CADPS: variants seen among roughly 807,000 people sequenced by gnomAD.
CADPS encodes the protein calcium dependent secretion activator.
CADPS carries 57 observed loss-of-function variants against 167.3 expected under a neutral mutation model. That is an observed-to-expected ratio of 0.34 (90% CI 0.28 to 0.42). CADPS has a LOEUF of 0.42. Ranked by LOEUF, CADPS falls within the 20% of genes least tolerant of loss-of-function variation. The pLI is 1.00. For synonymous variants in CADPS, 676 were observed against 635.3 expected (o/e 1.06, Z -0.96); for missense variants, 1,414 against 1,738.1 (o/e 0.81, Z 3.32).
intron 13 of CADPS, chr3:62,530,741 G>C (rs756524648): frequency 3.9e-6 from 5 of 1,288,626 alleles, no homozygotes; most frequent in Non-Finnish European, 5.1e-6. Flanking sequence ...TGGTTCAGGT[G>C]GGGAGGGAGT....
chr3:62,814,935 C>T lies in CADPS; in HGVS notation c.442-48951G>A, dbSNP rs1376200128. ...ATTTTAAAAGTTAACTCCATTTTGA[C>T]ACAAACTTCACAGGACAGGTTTTGC... On this transcript the variant is annotated intron_variant, in intron 1 of 29. Transcript: ENST00000383710. 2.0e-5 allele frequency among the ~76,000 whole-genome samples: 3 copies of T among 152,142 alleles called. No individual in the cohort carries two copies. The East Asian group carries it at 5.8e-4, about 29-fold the overall frequency.
chr3:62,616,063 T>G (rs1294840879), intron 6 of CADPS, among the ~76,000 whole-genome samples: 2 of 152,166 alleles, frequency 1.3e-5, no homozygotes, highest in Admixed American at 1.3e-4. Flanking sequence ...CCCTTTTCTA[T>G]CAGTAGCTTA....
At position 62,616,022 on chromosome 3, in the gene CADPS, G is replaced by GT. The variant is rs150313435; in HGVS notation, c.1326-23275dup. ...CATCCCTCTCTAAAGATGTCTATGT[G>GT]TTTTTTTTCCTTTGCCTACAAATGT... On this transcript the variant is annotated intron_variant, in intron 6 of 29. Transcript: ENST00000383710. Among the ~76,000 whole-genome samples, 156 of 151,890 alleles carry GT rather than the reference G, an allele frequency of 1.0e-3. 3 individuals carry two copies. The East Asian group carries it at 0.027, about 27-fold the overall frequency.
intron 1 of CADPS, among the ~76,000 whole-genome samples, chr3:62,774,152 G>A (rs2196708): frequency 0.023 from 3,447 of 152,132 alleles, 61 homozygotes; most frequent in South Asian, 0.061. Context: ...AAGATCAAAA[G>A]AGAAGAGGAA....
rs1385359483 is a variant in CADPS at position 62,602,616 on chromosome 3, G to A, written c.1326-9868C>T. Among the ~76,000 whole-genome samples the A allele has an allele frequency of 6.6e-6, 1 of 152,100 alleles. No individual in the cohort carries two copies. The highest frequency in any genetic ancestry group is 2.4e-5 in the African/African-American group (1 of 41,398). On this transcript the variant is annotated intron_variant, in intron 6 of 29. Transcript: ENST00000383710. The surrounding 1 kb of genome is among the most constrained non-coding windows in gnomAD (Gnocchi z 4.4). Reference sequence around the variant, plus strand: ...CTCATGCAAACTAATTGATAGGCTGGGCTTTGGGTTCTTTAGTGTACTAGA... The same window carrying A: ...CTCATGCAAACTAATTGATAGGCTGAGCTTTGGGTTCTTTAGTGTACTAGA...
At chr3:62,752,822 T>C (rs977527459) in intron 3 of CADPS, among the ~76,000 whole-genome samples, 3 of 152,210 alleles carry the variant, frequency 2.0e-5, no homozygotes, top group African/African-American at 7.2e-5. Context: ...GTTGAATAAA[T>C]GAATATAATG....
At position 62,476,768 on chromosome 3, in the gene CADPS, GCA is replaced by G. The variant is rs2061377688; in HGVS notation, c.3329+1491_3329+1492del. 3.9e-5 allele frequency among the ~76,000 whole-genome samples: 6 copies of G among 152,126 alleles called. No individual in the cohort carries two copies. In the South Asian group the frequency reaches 1.2e-3, roughly 32 times the overall value. ...TGCATGTCTTTCTGTACAATTATGT[GCA>G]CAGTTTAGGAACTGGTAAGCCTTTA... On this transcript the variant is annotated intron_variant, in intron 23 of 29. Coordinates refer to ENST00000383710, the MANE Select transcript of CADPS (RefSeq NM_003716.4).
chr3:62,428,755 T>A (rs2053303038), intron 28 of CADPS, among the ~76,000 whole-genome samples: 1 of 152,198 alleles, frequency 6.6e-6, no homozygotes, highest in Non-Finnish European at 1.5e-5. Context: ...CTTTTCTAGT[T>A]CGTGCAGATC....
At position 62,465,564 on chromosome 3, in the gene CADPS, G is replaced by T; in HGVS notation, c.3553-114C>A. ...GGGATCGAGCCCTCCGTTCATTTCT[G>T]CAGTCTATTATTTGATTCCCGCCTT... On this transcript the variant is annotated intron_variant, in intron 25 of 29. Transcript: ENST00000383710. This position sits in a 1 kb window ranked among gnomAD's most constrained non-coding sequence, Gnocchi z 4.1. The T allele has an allele frequency of 1.6e-6, 1 of 636,644 alleles. No homozygotes were observed. The highest frequency in any genetic ancestry group is 2.7e-6 in the Non-Finnish European group (1 of 372,298). The allele number at this position is 636,644 out of a possible 1,614,324, so 39.4% of individuals were successfully genotyped here. A position where few individuals can be genotyped will look rare whatever the true frequency, so the allele number is the denominator to read the frequency against.
intron 1 of CADPS, among the ~76,000 whole-genome samples, chr3:62,790,587 T>C (rs1327657108): frequency 1.3e-5 from 2 of 152,228 alleles, no homozygotes; most frequent in Non-Finnish European, 2.9e-5. Context: ...GCAAATATCA[T>C]TTTGCACCTA....
chr3:62,399,234 A>G lies in CADPS; in HGVS notation c.*172T>C, dbSNP rs1293776846. ...GACATGGACATCAGGAAATCAGTGG[A>G]TATGAAGGTCATTTGCTAATCTTGG... On this transcript the variant is annotated 3_prime_UTR_variant, in exon 30 of 30. Coordinates refer to ENST00000383710, the MANE Select transcript of CADPS (RefSeq NM_003716.4). The surrounding 1 kb of genome is among the most constrained non-coding windows in gnomAD (Gnocchi z 5.6). 1.7e-6 allele frequency: 1 copy of G among 596,410 alleles called. No homozygotes were observed. The highest frequency in any genetic ancestry group is 3.0e-6 in the Non-Finnish European group (1 of 336,230). 36.9% of individuals were successfully genotyped at this position (596,410 alleles called of 1,614,324 possible). A position where few individuals can be genotyped will look rare whatever the true frequency, so the allele number is the denominator to read the frequency against.
intron 3 of CADPS, among the ~76,000 whole-genome samples, chr3:62,715,818 G>A (rs1054192069): frequency 1.1e-4 from 14 of 129,096 alleles, no homozygotes; most frequent in South Asian, 7.9e-4. Context: ...GTGCAGTGGC[G>A]CGATCTCAGC....
intron 6 of CADPS, among the ~76,000 whole-genome samples, chr3:62,599,804 A>ATTATAT (rs1562714694): frequency 2.3e-4 from 3 of 13,188 alleles, no homozygotes; most frequent in African/African-American, 6.7e-4. Flanking sequence ...TATAATATAT[A>ATTATAT]ATAAATAATA....
intron 6 of CADPS, among the ~76,000 whole-genome samples, chr3:62,639,221 G>C (rs1412094047): frequency 6.6e-6 from 1 of 152,162 alleles, no homozygotes; most frequent in African/African-American, 2.4e-5. Context: ...TTCTGGGTCA[G>C]TGTTGACTTT....
intron 2 of CADPS, among the ~76,000 whole-genome samples, chr3:62,761,654 G>A (rs2085463842): frequency 6.6e-6 from 1 of 151,912 alleles, no homozygotes; most frequent in African/African-American, 2.4e-5. Context: ...AATCAAGCAG[G>A]GAGGTGAGGA....
chr3:62,766,105 C>A, intron 1 of CADPS, 121 bp from the exon 2 acceptor site: 1 of 503,062 alleles, frequency 2.0e-6, no homozygotes, highest in Non-Finnish European at 3.5e-6. Flanking sequence ...AGGTGTGTGA[C>A]AGCTGATTAG....
chr3:62,456,196 C>T (rs1038333925), intron 26 of CADPS, among the ~76,000 whole-genome samples: 3 of 152,148 alleles, frequency 2.0e-5, no homozygotes, highest in Admixed American at 2.0e-4. Flanking sequence ...CAGTACTTCC[C>T]AGACTTCCAG....
chr3:62,714,838 A>G (rs2084108735), intron 3 of CADPS, among the ~76,000 whole-genome samples: 1 of 152,158 alleles, frequency 6.6e-6, no homozygotes. Context: ...TTAAGTTTCT[A>G]CCTATAGACT....
At chr3:62,624,500 T>TA (rs2063691467) in intron 6 of CADPS, among the ~76,000 whole-genome samples, 4 of 151,700 alleles carry the variant, frequency 2.6e-5, no homozygotes, top group South Asian at 2.1e-4. Context: ...TATATTTTTT[T>TA]TAAAAAAACC....
Sources: allele counts gnomAD v4.1 joint callset (sites outside exome capture counted in the v4.1 genomes callset), GRCh38; gene constraint gnomAD v4.1.1; non-coding constraint Gnocchi (gnomAD v3.1); transcripts MANE v1.5; gene names NCBI Gene and HGNC (gene_info 2026-07-23, HGNC 2026-07-21).